Variants in MCM5 observed in about 807,000 individuals in gnomAD.
MCM5 encodes minichromosome maintenance complex component 5, also known as DNA replication licensing factor MCM5.
A neutral mutation model predicts 79.9 loss-of-function variants in MCM5; 46 were observed. The observed-to-expected ratio is 0.58, with a 90% CI of 0.45 to 0.74. The LOEUF is 0.74. Among genes scored for constraint, MCM5 ranks in the 30% least tolerant of loss-of-function variants. MCM5 has a pLI of 0.00. For synonymous variants in MCM5, 404 were observed against 390.5 expected, an observed-to-expected ratio of 1.03 and a Z score of -0.41; for missense variants, 883 against 1,017.0, an observed-to-expected ratio of 0.87 and a Z score of 1.79.
At chr22:35,402,358 G>A (rs1386168169) in intron 2 of MCM5, among the ~76,000 whole-genome samples, 1 of 148,720 alleles carries the variant, frequency 6.7e-6, no homozygotes, top group Admixed American at 6.7e-5. Flanking sequence ...ATGGAGTCTC[G>A]CTCTGTCACC....
intron 15 of MCM5, chr22:35,421,942 G>A (rs961158804): frequency 3.8e-6 from 1 of 264,276 alleles, no homozygotes; most frequent in South Asian, 4.3e-5. Flanking sequence ...AAGTCTCCTG[G>A]CCCCTAGGCC....
chr22:35,403,541 A>T lies in MCM5; in HGVS notation c.422A>T (p.Lys141Met), dbSNP rs762074308. The T allele has an allele frequency of 3.1e-6, 5 of 1,613,294 alleles. No homozygotes were observed. The highest frequency in any genetic ancestry group is 3.4e-6 in the Non-Finnish European group (4 of 1,180,030). The change falls in exon 4 of 17, where the codon AAG becomes ATG. Residue 141 changes from lysine (K) to methionine (M), a missense_variant and splice_region_variant. Physicochemically the swap from Lys to Met is moderately conservative, Grantham distance 95 (BLOSUM62 -1). Around this residue, in one of 3 missense-constraint regions of MCM5, gnomAD observed 455 missense variants for 517.5 expected, o/e 0.88. Coordinates refer to ENST00000216122, the MANE Select transcript of MCM5 (RefSeq NM_006739.4). Reference protein sequence around the residue: ...DASPSSIRSLKSDMMSHLVKI... With the variant: ...DASPSSIRSLMSDMMSHLVKI... ...AGCCCTTCCAGCATTCGTAGCCTGA[A>T]GGTGGGTCGGAGGGCAGTGGCTGCT...
At chr22:35,423,170 C>A in intron 15 of MCM5, 44 bp from the exon 16 acceptor site, 1 of 1,518,562 alleles carries the variant, frequency 6.6e-7, no homozygotes, top group Non-Finnish European at 8.9e-7. Flanking sequence ...CAAGAACTCC[C>A]ATTGTCCCAG....
chr22:35,423,639 C>G lies in MCM5; in HGVS notation c.2103+298C>G, dbSNP rs1386473614. The G allele has an allele frequency of 8.4e-5, 21 of 250,104 alleles. 1 individual carries two copies. The highest frequency in any genetic ancestry group is 1.6e-4 in the Non-Finnish European group (21 of 131,934). The allele number at this position is 250,104 out of a possible 1,614,324, so 15.5% of individuals were successfully genotyped here. ...GCAGCCCTTCCCGTCTGTGCCTTTC[C>G]CCGTTGGCGGGCGTTTCATGGAGTG... On this transcript the variant is annotated intron_variant, in intron 16 of 16. Coordinates refer to ENST00000216122, the MANE Select transcript of MCM5 (RefSeq NM_006739.4).
intron 6 of MCM5, among the ~76,000 whole-genome samples, 196 bp downstream of exon 6, chr22:35,408,759 A>ATGTCAGCC (rs1291454750): frequency 4.6e-5 from 7 of 152,248 alleles, no homozygotes; most frequent in Admixed American, 2.6e-4. Flanking sequence ...CTGCAGGGGC[A>ATGTCAGCC]TGTCAGCCCC....
downstream of MCM5, among the ~76,000 whole-genome samples, chr22:35,426,374 G>GA (rs1932779493): frequency 6.6e-6 from 1 of 152,168 alleles, no homozygotes; most frequent in Admixed American, 6.5e-5. Flanking sequence ...CGGCTTAGTG[G>GA]AATCTCCAGT....
At chr22:35,422,883 G>A (rs1932730607) in intron 15 of MCM5, 1 of 194,458 alleles carries the variant, frequency 5.1e-6, no homozygotes, top group Non-Finnish European at 1.0e-5. Flanking sequence ...AGCAACAAAA[G>A]GAGTCCTGCT....
chr22:35,451,800 G>A, the MCM5 span, among the ~76,000 whole-genome samples: 1 of 152,236 alleles, frequency 6.6e-6, no homozygotes, highest in African/African-American at 2.4e-5. Context: ...TCTCTAGGGA[G>A]AAGGAAGGGA....
At chr22:35,428,050 TCA>T (rs1932789520), downstream of MCM5, among the ~76,000 whole-genome samples, 1 of 146,350 alleles carries the variant, frequency 6.8e-6, no homozygotes, top group Admixed American at 6.8e-5. Context: ...AGACCAAGTC[TCA>T]CTCTGTTGTC....
At chr22:35,411,013 C>T in intron 7 of MCM5, 103 bp downstream of exon 7, 1 of 1,033,686 alleles carries the variant, frequency 9.7e-7, no homozygotes, top group South Asian at 1.6e-5. Context: ...CCAGGATGTC[C>T]TTGTGTTGCT....
In MCM5 at chr22:35,424,254, G is replaced by A; in HGVS notation, c.2204G>A (p.Ter735=). 6.5e-7 allele frequency: 1 copy of A among 1,541,938 alleles called. No individual in the cohort carries two copies. The highest frequency in any genetic ancestry group is 8.8e-7 in the Non-Finnish European group (1 of 1,141,358). Residue 735 remains the stop codon, a stop_retained_variant, in exon 17 of 17, where the codon TGA becomes TAA. Coordinates refer to ENST00000216122, the MANE Select transcript of MCM5 (RefSeq NM_006739.4). The part of the protein sequence containing the change: ...MQRKVLYRLK[*] ...CGCAAGGTTCTCTACCGCCTCAAGT[G>A]AGTCGCGCCGCCTCACTGGACTCAT... is the stretch of plus-strand genomic sequence containing the variant.
the MCM5 span, among the ~76,000 whole-genome samples, chr22:35,448,855 A>G: frequency 2.0e-5 from 3 of 152,284 alleles, no homozygotes; most frequent in East Asian, 3.9e-4. Context: ...CCTCTCATCC[A>G]TGGACCACTG....
intron 7 of MCM5, chr22:35,411,171 A>G (rs1158768075): frequency 3.3e-6 from 1 of 306,056 alleles, no homozygotes; most frequent in Non-Finnish European, 6.1e-6. Flanking sequence ...GAATTACTGA[A>G]AGCCAAGTCT....
chr22:35,447,308 C>T, the MCM5 span, among the ~76,000 whole-genome samples: 120,314 of 151,918 alleles, frequency 0.79, 48,243 homozygotes, highest in African/African-American at 0.88. Context: ...CATGAGGGTT[C>T]TGCTGCCTGC....
At chr22:35,439,481 A>G in the MCM5 span, among the ~76,000 whole-genome samples, 1 of 140,550 alleles carries the variant, frequency 7.1e-6, no homozygotes, top group African/African-American at 2.7e-5. Context: ...CCACATATTC[A>G]TCCATCCATC....
At chr22:35,402,517 A>G (rs545110564) in intron 2 of MCM5, among the ~76,000 whole-genome samples, 72 of 150,082 alleles carry the variant, frequency 4.8e-4, no homozygotes, top group African/African-American at 1.7e-3. Context: ...TATTTTTAGT[A>G]GAGATGGGGT....
chr22:35,423,134 T>G, intron 15 of MCM5, 80 bp from the exon 16 acceptor site: 1 of 1,449,170 alleles, frequency 6.9e-7, no homozygotes, highest in Non-Finnish European at 9.2e-7. Context: ...AGGCTGTTCT[T>G]CCTTGGGCTA....
intron 15 of MCM5, chr22:35,421,671 C>G: frequency 3.0e-6 from 2 of 669,814 alleles, no homozygotes; most frequent in South Asian, 3.2e-5. Context: ...CAGCTTCTCT[C>G]CAGACCCTTG....
At chr22:35,428,399 G>A (rs938468756), downstream of MCM5, among the ~76,000 whole-genome samples, 3 of 151,674 alleles carry the variant, frequency 2.0e-5, no homozygotes, top group African/African-American at 7.3e-5. Flanking sequence ...GGGCTCAATC[G>A]ATCCTCCTGC....
Sources: allele counts gnomAD v4.1 joint callset (sites outside exome capture counted in the v4.1 genomes callset), GRCh38; gene constraint gnomAD v4.1.1; regional missense constraint gnomAD v4.1.1; transcripts MANE v1.5; gene names NCBI Gene and HGNC (gene_info 2026-07-23, HGNC 2026-07-21).